Variants in NTM observed in about 807,000 individuals in gnomAD.
NTM encodes the protein neurotrimin.
Under a neutral mutation model 42.1 loss-of-function variants are expected in NTM, and 13 were observed. That is an observed-to-expected ratio of 0.31 (90% confidence interval 0.20 to 0.49). NTM has a LOEUF of 0.49. Among genes scored for constraint, NTM ranks in the 20% least tolerant of loss-of-function variants. The pLI is 0.99. For missense variants in NTM, 373 were observed against 452.8 expected (o/e 0.82, Z 1.60); for synonymous variants, 187 against 179.2 (o/e 1.04, Z -0.35).
intron 1 of NTM, among the ~76,000 whole-genome samples, chr11:131,664,753 GTTTTTTTTTTTTTTTTT>G (rs199824869): frequency 8.9e-6 from 1 of 112,914 alleles, no homozygotes; most frequent in African/African-American, 3.4e-5. Context: ...CTCTTCCATT[GTTTTTTTTTTTTTTTTT>G]TTTTTTTTTA....
chr11:131,711,183 G>A (rs1000390501), intron 1 of NTM, among the ~76,000 whole-genome samples: 3 of 152,140 alleles, frequency 2.0e-5, no homozygotes, highest in Non-Finnish European at 4.4e-5. Context: ...TACCATCAGA[G>A]TGAACAGGCA....
chr11:131,787,521 G>A (rs1324774980), intron 1 of NTM, among the ~76,000 whole-genome samples: 4 of 151,818 alleles, frequency 2.6e-5, no homozygotes, highest in Non-Finnish European at 5.9e-5. Flanking sequence ...GAGTAGCTGG[G>A]GCTACAGGCA....
chr11:132,135,530 G>A (rs1179228384), intron 2 of NTM, among the ~76,000 whole-genome samples: 1 of 152,228 alleles, frequency 6.6e-6, no homozygotes, highest in Non-Finnish European at 1.5e-5. Flanking sequence ...GACAGGGCAA[G>A]AAGCCAAGTG....
intron 1 of NTM, among the ~76,000 whole-genome samples, chr11:131,898,277 A>G (rs1322118923): frequency 1.3e-5 from 2 of 152,250 alleles, no homozygotes; most frequent in Non-Finnish European, 2.9e-5. Flanking sequence ...AAAGGGAACC[A>G]GTGCTGATGT....
intron 4 of NTM, among the ~76,000 whole-genome samples, chr11:132,225,995 G>C (rs939599780): frequency 4.6e-5 from 7 of 152,132 alleles, no homozygotes; most frequent in African/African-American, 1.7e-4. Flanking sequence ...TGTTTGCTGA[G>C]AATGATGGTT....
rs116558063 is a variant in NTM at position 131,467,525 on chromosome 11, A to G, written c.82+96637A>G. On this transcript the variant is annotated intron_variant, in intron 1 of 8. Coordinates refer to ENST00000683400, the MANE Select transcript of NTM (RefSeq NM_001352005.2). ...GGCCATGATGAAAGCTACCCCAGAC[A>G]TTCTGGTAGTGATTCTTCAAGGTAG... is the stretch of plus-strand genomic sequence containing the variant. Among the ~76,000 whole-genome samples, 1,238 of 152,288 alleles carry G rather than the reference A, an allele frequency of 8.1e-3. 18 individuals are homozygous for G. The highest frequency in any genetic ancestry group is 0.028 in the African/African-American group (1,184 of 41,570).
intron 3 of NTM, among the ~76,000 whole-genome samples, chr11:132,186,291 G>A (rs74965048): frequency 0.12 from 18,591 of 152,176 alleles, 1,344 homozygotes; most frequent in East Asian, 0.25. Flanking sequence ...ACAATGACAG[G>A]ACAACAAAAT....
chr11:131,386,146 A>T (rs938088569), intron 1 of NTM, among the ~76,000 whole-genome samples: 1 of 152,230 alleles, frequency 6.6e-6, no homozygotes, highest in East Asian at 1.9e-4. Context: ...TTAAAAGGGA[A>T]GGCAATTCTG....
At chr11:131,747,776 C>G (rs769151217) in intron 1 of NTM, among the ~76,000 whole-genome samples, 3 of 152,178 alleles carry the variant, frequency 2.0e-5, no homozygotes, top group Non-Finnish European at 4.4e-5. Flanking sequence ...CCTGAAAGCT[C>G]CATGCAATTT....
intron 2 of NTM, among the ~76,000 whole-genome samples, chr11:132,079,431 C>G (rs187756822): frequency 7.9e-5 from 12 of 152,164 alleles, no homozygotes; most frequent in African/African-American, 2.9e-4. Flanking sequence ...TAATGCTTGC[C>G]AAAGGGTGCT....
intron 2 of NTM, among the ~76,000 whole-genome samples, chr11:131,976,665 A>G (rs1032099237): frequency 2.6e-5 from 4 of 152,300 alleles, no homozygotes; most frequent in African/African-American, 9.6e-5. Flanking sequence ...TAAAAATAAA[A>G]TGTCCAGGAT....
At chr11:131,457,147 C>T (rs1950970382) in intron 1 of NTM, among the ~76,000 whole-genome samples, 1 of 152,142 alleles carries the variant, frequency 6.6e-6, no homozygotes, top group South Asian at 2.1e-4. Flanking sequence ...AGTTGCTCTC[C>T]TCCAGGATCC....
At chr11:131,868,634 G>A (rs1242956763) in intron 1 of NTM, among the ~76,000 whole-genome samples, 7 of 152,138 alleles carry the variant, frequency 4.6e-5, no homozygotes, top group African/African-American at 1.7e-4. Context: ...AGTTTCTTGC[G>A]ATGTCCGTGC....
chr11:132,033,833 A>T (rs2076204781), intron 2 of NTM, among the ~76,000 whole-genome samples: 1 of 152,156 alleles, frequency 6.6e-6, no homozygotes, highest in African/African-American at 2.4e-5. Flanking sequence ...TGTTTTATAG[A>T]CTTAATGGTT....
At chr11:131,671,817 G>A (rs2070311827) in intron 1 of NTM, among the ~76,000 whole-genome samples, 2 of 152,206 alleles carry the variant, frequency 1.3e-5, no homozygotes, top group African/African-American at 4.8e-5. Flanking sequence ...CGCTGGTGGA[G>A]GCAATGATAT....
At chr11:131,669,961 C>T (rs921188555) in intron 1 of NTM, among the ~76,000 whole-genome samples, 2 of 152,150 alleles carry the variant, frequency 1.3e-5, no homozygotes, top group Non-Finnish European at 2.9e-5. Context: ...TGGCACTCTC[C>T]GGAGCCTCCT....
intron 1 of NTM, among the ~76,000 whole-genome samples, chr11:131,829,068 C>G (rs1460391730): frequency 6.6e-6 from 1 of 151,156 alleles, no homozygotes; most frequent in African/African-American, 2.5e-5. Context: ...GATCATATAA[C>G]CTCCTTAATC....
intron 1 of NTM, among the ~76,000 whole-genome samples, chr11:131,622,881 G>A (rs1302579307): frequency 6.6e-6 from 1 of 152,154 alleles, no homozygotes; most frequent in Non-Finnish European, 1.5e-5. Flanking sequence ...TCATGATTTT[G>A]CATTTGTCAC....
chr11:131,813,468 A>G (rs1420299720), intron 1 of NTM, among the ~76,000 whole-genome samples: 1 of 152,162 alleles, frequency 6.6e-6, no homozygotes, highest in Non-Finnish European at 1.5e-5. Context: ...CCTGTAAAGG[A>G]CGGATGAAGG....
Sources: allele counts gnomAD v4.1 joint callset (sites outside exome capture counted in the v4.1 genomes callset), GRCh38; gene constraint gnomAD v4.1.1; transcripts MANE v1.5; gene names NCBI Gene and HGNC (gene_info 2026-07-23, HGNC 2026-07-21).